The following KLC1 variants were observed in gnomAD, a reference collection of about 807,000 sequenced individuals.
The protein encoded by KLC1 is kinesin light chain 1, also known as kinesin 2 60/70kDa.
Under a neutral mutation model 84.2 loss-of-function variants are expected in KLC1, and 30 were observed. The observed-to-expected ratio is 0.36, with a 90% CI of 0.27 to 0.48. KLC1 has a LOEUF of 0.48. Ranked by LOEUF, KLC1 falls within the 20% of genes least tolerant of loss-of-function variation. KLC1 has a pLI of 0.99. For synonymous variants in KLC1, 289 were observed against 293.3 expected, an observed-to-expected ratio of 0.99 and a Z score of 0.15; for missense variants, 499 against 805.4, an observed-to-expected ratio of 0.62 and a Z score of 4.60.
intron 1 of KLC1, among the ~76,000 whole-genome samples, chr14:103,647,632 C>T (rs958819102): frequency 5.3e-5 from 8 of 151,842 alleles, no homozygotes; most frequent in African/African-American, 1.4e-4. Flanking sequence ...AATCCCAACA[C>T]TTTGGGAAGC....
chr14:103,673,504 A>G, intron 9 of KLC1, 73 bp downstream of exon 9: 1 of 908,690 alleles, frequency 1.1e-6, no homozygotes, highest in Non-Finnish European at 1.7e-6. Flanking sequence ...TACTAATAGT[A>G]TTAGTTACTG....
intron 1 of KLC1, among the ~76,000 whole-genome samples, chr14:103,638,815 GGT>G: frequency 6.6e-6 from 1 of 151,970 alleles, no homozygotes; most frequent in East Asian, 1.9e-4. Flanking sequence ...TGAGCACAGT[GGT>G]GTGTGTATGT....
In KLC1 at chr14:103,701,354, A is replaced by C; in HGVS notation, c.*155A>C. The C allele has an allele frequency of 2.6e-6, 2 of 756,536 alleles. No homozygotes were observed. The highest frequency in any genetic ancestry group is 2.1e-6 in the Non-Finnish European group (1 of 482,518). 46.9% of individuals were successfully genotyped at this position (756,536 alleles called of 1,614,324 possible). ...GTGTGCATAGGACATGATACTAATA[A>C]CCACACGGCTGGCGTGACCTTGGGG... On this transcript the variant is annotated 3_prime_UTR_variant, in exon 17 of 17. Transcript: ENST00000334553.
chr14:103,666,077 T>C (rs1013932805), intron 5 of KLC1, among the ~76,000 whole-genome samples: 3 of 152,174 alleles, frequency 2.0e-5, no homozygotes, highest in African/African-American at 7.2e-5. Flanking sequence ...TTCTTTTTGT[T>C]TTTTTTGAGA....
chr14:103,636,083 G>A (rs1320798032), intron 1 of KLC1, among the ~76,000 whole-genome samples: 2 of 152,052 alleles, frequency 1.3e-5, no homozygotes, highest in African/African-American at 4.8e-5. Context: ...GCACATCGTT[G>A]TTCCACATTT....
At chr14:103,636,845 C>T (rs1041086134) in intron 1 of KLC1, among the ~76,000 whole-genome samples, 12 of 152,014 alleles carry the variant, frequency 7.9e-5, no homozygotes, top group African/African-American at 2.9e-4. Flanking sequence ...GCCTCAGCCT[C>T]TGGAGTAGCT....
chr14:103,691,018 C>T (rs78012035), intron 14 of KLC1, among the ~76,000 whole-genome samples: 2,471 of 152,230 alleles, frequency 0.016, 65 homozygotes, highest in African/African-American at 0.056. Flanking sequence ...ATTTATGCAT[C>T]ATCTTTTAGC....
chr14:103,651,895 G>GC (rs2078474111), intron 1 of KLC1, among the ~76,000 whole-genome samples: 2 of 152,132 alleles, frequency 1.3e-5, no homozygotes, highest in African/African-American at 2.4e-5. Context: ...GTTGGCCATT[G>GC]CCCCCCACCA....
intron 15 of KLC1, chr14:103,699,081 C>A: frequency 6.4e-7 from 1 of 1,564,166 alleles, no homozygotes; most frequent in Non-Finnish European, 8.7e-7. Context: ...TTCGGCCCAG[C>A]TGTGCCCCTG....
rs1349033410 is a variant in KLC1, at chr14:103,701,203, A to AC, written c.*8dup. On this transcript the variant is annotated 3_prime_UTR_variant, in exon 17 of 17. Transcript: ENST00000334553. ...TGACCTTCTATCTTCTCTTGCAGTG[A>AC]CCCCGACCTGGCCCCGCTCCAGGAT... 2 of 1,550,158 alleles carry AC rather than the reference A, an allele frequency of 1.3e-6. No homozygotes were observed. Among genetic ancestry groups the AC allele is most frequent in the African/African-American group, 1.4e-5 (1 of 72,998 alleles).
chr14:103,700,471 G>A (rs2083078277), intron 15 of KLC1, 184 bp from the exon 16 acceptor site: 1 of 537,128 alleles, frequency 1.9e-6, no homozygotes, highest in Non-Finnish European at 3.3e-6. Context: ...GCACCAAGCA[G>A]TGTAGTTCAG....
At position 103,687,220 on chromosome 14, in the gene KLC1, C is replaced by G; in HGVS notation, c.1781+9C>G. The G allele has an allele frequency of 1.3e-6, 2 of 1,535,850 alleles. No individual in the cohort carries two copies. The highest frequency in any genetic ancestry group is 1.8e-6 in the Non-Finnish European group (2 of 1,136,742). Reference sequence around the variant, plus strand: ...GAGCCAAAGAACCCCGGGTAACTATCTCTTCCAGCTCTCCCGACTCCCTGC... The same window carrying G: ...GAGCCAAAGAACCCCGGGTAACTATGTCTTCCAGCTCTCCCGACTCCCTGC... On this transcript the variant is annotated intron_variant, in intron 14 of 16. Transcript: ENST00000334553.
rs770513609 is a variant in KLC1, at chr14:103,657,758, TGAC to T, written c.478_480del (p.Asp160del). 94 of 1,613,702 alleles carry T rather than the reference TGAC, an allele frequency of 5.8e-5. No homozygotes were observed. In the South Asian group the frequency reaches 1.0e-3, roughly 17 times the overall value. ...TTATGAATCAGCTAAAAAAATATGA[TGAC>T]GACATTTCCCCATCCGTGAGTGGCT... On this transcript the variant is annotated inframe_deletion, in exon 3 of 17. Transcript: ENST00000334553.
At chr14:103,695,809 C>G (rs2082424467) in intron 15 of KLC1, 1 of 985,248 alleles carries the variant, frequency 1.0e-6, no homozygotes, top group Non-Finnish European at 1.2e-6. Flanking sequence ...TAAGAGAAGC[C>G]AGGGGGCCTC....
intron 15 of KLC1, chr14:103,697,213 TC>T: frequency 1.4e-6 from 1 of 736,730 alleles, no homozygotes; most frequent in Non-Finnish European, 1.7e-6. Flanking sequence ...AATAACTTTT[TC>T]CCATGTTCAT....
chr14:103,675,099 G>C (rs1028970273), intron 9 of KLC1, among the ~76,000 whole-genome samples: 1 of 152,206 alleles, frequency 6.6e-6, no homozygotes, highest in Non-Finnish European at 1.5e-5. Context: ...GGCTGAGGCA[G>C]GTGGATCACT....
intron 9 of KLC1, among the ~76,000 whole-genome samples, chr14:103,675,180 C>T (rs1318861215): frequency 1.3e-5 from 2 of 152,038 alleles, no homozygotes; most frequent in Non-Finnish European, 2.9e-5. Context: ...AAAAAATTAG[C>T]TGGGTGTGGT....
At chr14:103,696,098 G>GCCC (rs56003865) in intron 15 of KLC1, 1 of 161,536 alleles carries the variant, frequency 6.2e-6, no homozygotes, top group African/African-American at 5.6e-5. Context: ...CTGCGCCCCC[G>GCCC]CCCCCCGCCC....
chr14:103,632,191 C>T (rs911305734), intron 1 of KLC1, among the ~76,000 whole-genome samples: 6 of 151,850 alleles, frequency 4.0e-5, no homozygotes, highest in Non-Finnish European at 8.8e-5. Context: ...TTTGGGAGGC[C>T]GAGGCAGGTG....
Sources: allele counts gnomAD v4.1 joint callset (sites outside exome capture counted in the v4.1 genomes callset), GRCh38; gene constraint gnomAD v4.1.1; transcripts MANE v1.5; gene names NCBI Gene and HGNC (gene_info 2026-07-23, HGNC 2026-07-21).